H2BC4: variants seen among roughly 807,000 people sequenced by gnomAD.
The protein encoded by H2BC4 is histone H2B type 1-C/E/F/G/I.
In H2BC4, 10 loss-of-function variants were observed where a neutral mutation model predicts 6.2. The ratio of observed to expected loss-of-function variants is 1.61; its 90% CI spans 0.99 to 2.73. The LOEUF (loss-of-function observed/expected upper bound fraction) is 2.73. Ranked by LOEUF, H2BC4 falls within the 30% of genes most tolerant of loss-of-function variation. The pLI is 0.00. For synonymous variants in H2BC4, 146 were observed against 70.7 expected (o/e 2.07, Z -5.35); for missense variants, 176 against 168.7 (o/e 1.04, Z -0.24).
At chr6:26,113,397 T>C (rs1199564102), downstream of H2BC4, among the ~76,000 whole-genome samples, 1 of 152,234 alleles carries the variant, frequency 6.6e-6, no homozygotes, top group African/African-American at 2.4e-5. Context: ...ATCATATTTA[T>C]TCAAGATGAG....
At chr6:26,120,813 C>T (rs1581411363), downstream of H2BC4, among the ~76,000 whole-genome samples, 2 of 151,990 alleles carry the variant, frequency 1.3e-5, no homozygotes, top group African/African-American at 4.8e-5. Flanking sequence ...CATTATGTTT[C>T]TTCTGTCCTC....
downstream of H2BC4, among the ~76,000 whole-genome samples, chr6:26,122,512 A>T (rs73391395): frequency 0.016 from 2,390 of 152,252 alleles, 63 homozygotes; most frequent in African/African-American, 0.052. Context: ...CCAGGCCACA[A>T]AGCGGCCTGC....
intron 1 of H2BC4, among the ~76,000 whole-genome samples, chr6:26,117,149 T>A (rs1174214591): frequency 1.3e-5 from 2 of 152,172 alleles, no homozygotes; most frequent in Non-Finnish European, 2.9e-5. Context: ...TGGACCCCGG[T>A]AAACATACTA....
downstream of H2BC4, chr6:26,123,441 T>C (rs1763540648): frequency 6.4e-7 from 1 of 1,568,592 alleles, no homozygotes; most frequent in South Asian, 1.2e-5. Flanking sequence ...ATTTGGCGTC[T>C]GGCCACAGCT....
downstream of H2BC4, among the ~76,000 whole-genome samples, chr6:26,113,496 G>A (rs568590352): frequency 8.5e-4 from 130 of 152,318 alleles, no homozygotes; most frequent in African/African-American, 2.8e-3. Context: ...CTATCTACAT[G>A]TGGAGTGGAG....
intron 1 of H2BC4, among the ~76,000 whole-genome samples, chr6:26,117,278 T>C (rs916764061): frequency 5.3e-5 from 8 of 152,222 alleles, no homozygotes; most frequent in East Asian, 1.9e-4. Context: ...AGCGTAAAGA[T>C]GGTTATAAAT....
chr6:26,121,866 G>A (rs1374343176), downstream of H2BC4, among the ~76,000 whole-genome samples: 1 of 151,674 alleles, frequency 6.6e-6, no homozygotes. Flanking sequence ...CAGCCTGACC[G>A]ACATGGAGAA....
At chr6:26,123,166 C>A (rs1326726991), downstream of H2BC4, among the ~76,000 whole-genome samples, 1 of 152,180 alleles carries the variant, frequency 6.6e-6, no homozygotes, top group African/African-American at 2.4e-5. Flanking sequence ...GACATTACGG[C>A]AACCGTTGAT....
downstream of H2BC4, among the ~76,000 whole-genome samples, chr6:26,114,504 G>C (rs563534630): frequency 4.3e-4 from 65 of 152,144 alleles, no homozygotes; most frequent in Admixed American, 2.1e-3. Context: ...AAATTGGTAT[G>C]ATCCTGAATA....
Position 26,123,891 on chromosome 6 carries a change from G to T in H2BC4, c.14C>A (p.Ala5Asp). The stretch of plus-strand genomic sequence containing the variant: ...CTTCTTCGGGGCGGGAGCAGACTTG[G>T]CTGGCTCAGGCATCTTAAAACACCA... MPEP[A>D]KSAPAPKKGS... The change falls in exon 1 of 1, where the codon GCC becomes GAC. Residue 5 changes from alanine to aspartate, a missense_variant. By Grantham distance (126) the Ala-to-Asp change is moderately radical. Coordinates refer to ENST00000396984, the MANE Select transcript of H2BC4 (RefSeq NM_003526.3). 6.2e-7 allele frequency: 1 copy of T among 1,613,912 alleles called. No individual in the cohort carries two copies. Among genetic ancestry groups the T allele is most frequent in the Non-Finnish European group, 8.5e-7 (1 of 1,179,972 alleles).
Position 26,123,471 on chromosome 6 carries a change from T to G in H2BC4, c.*53A>C, listed in dbSNP as rs935635998. The G allele has an allele frequency of 6.4e-5, 103 of 1,609,038 alleles. No homozygotes were observed. The highest frequency in any genetic ancestry group is 8.3e-5 in the Non-Finnish European group (98 of 1,178,008). On this transcript the variant is annotated 3_prime_UTR_variant, in exon 1 of 1. Coordinates refer to ENST00000396984, the MANE Select transcript of H2BC4 (RefSeq NM_003526.3). Reference sequence around the variant, plus strand: ...ACAGCTCTTTTAGTGGGTATCTGGGTGGCTCTTAAAAGAGCCTTTGGGGTT... The same window carrying G: ...ACAGCTCTTTTAGTGGGTATCTGGGGGGCTCTTAAAAGAGCCTTTGGGGTT...
At chr6:26,117,935 A>G (rs960709593) in intron 1 of H2BC4, among the ~76,000 whole-genome samples, 1 of 150,614 alleles carries the variant, frequency 6.6e-6, no homozygotes. Context: ...ACAATTAGTG[A>G]TTCTCTAGAA....
chr6:26,115,561 GTT>G (rs1017194550), intron 1 of H2BC4, among the ~76,000 whole-genome samples: 6 of 152,172 alleles, frequency 3.9e-5, no homozygotes, highest in African/African-American at 1.4e-4. Flanking sequence ...AAGACTTAGT[GTT>G]TTTCATAAAG....
In H2BC4 at chr6:26,123,886, A is replaced by G; in HGVS notation, c.19T>C (p.Ser7Pro). Residue 7 changes from serine (S) to proline (P), a missense_variant, in exon 1 of 1, where the codon TCT (serine) becomes CCT (proline). Ser to Pro is a moderately conservative substitution (Grantham distance 74). Transcript: ENST00000396984. The part of the protein sequence containing the change: MPEPAK[S>P]APAPKKGSKK... Reference sequence around the variant, plus strand: ...GAGCCCTTCTTCGGGGCGGGAGCAGACTTGGCTGGCTCAGGCATCTTAAAA... The same window carrying G: ...GAGCCCTTCTTCGGGGCGGGAGCAGGCTTGGCTGGCTCAGGCATCTTAAAA... 1.2e-6 allele frequency: 2 copies of G among 1,614,080 alleles called. No individual in the cohort carries two copies.
At chr6:26,119,339 T>G (rs1410381267), downstream of H2BC4, among the ~76,000 whole-genome samples, 1 of 152,224 alleles carries the variant, frequency 6.6e-6, no homozygotes, top group African/African-American at 2.4e-5. Flanking sequence ...AAAATGTTAT[T>G]TGCATAAAAC....
chr6:26,123,851 T>A lies in H2BC4; in HGVS notation c.54A>T (p.Ala18=). 6.2e-7 allele frequency: 1 copy of A among 1,614,244 alleles called. No individual in the cohort carries two copies. Among genetic ancestry groups the A allele is most frequent in the Non-Finnish European group, 8.5e-7 (1 of 1,180,046 alleles). ...APAPKKGSKK[A]VTKAQKKDGK... is the part of the protein sequence containing the mutation. Reference sequence around the variant, plus strand: ...CATCTTTCTTCTGCGCTTTGGTCACTGCCTTCTTGGAGCCCTTCTTCGGGG... The same window carrying A: ...CATCTTTCTTCTGCGCTTTGGTCACAGCCTTCTTGGAGCCCTTCTTCGGGG... Residue 18 remains alanine, a synonymous_variant, in exon 1 of 1, where the codon GCA becomes GCT. Coordinates refer to ENST00000396984, the MANE Select transcript of H2BC4 (RefSeq NM_003526.3).
rs2113799995 is a variant in H2BC4, at chr6:26,123,708, A to G, written c.197T>C (p.Phe66Ser). ...GATGCGCTCAAATATGTCGTTAACG[A>G]AAGAATTCATGATGCCCATGGCCTT... ...SSKAMGIMNSFVNDIFERIAG... is the reference protein window; with the variant it reads ...SSKAMGIMNSSVNDIFERIAG... The change falls in exon 1 of 1, where the codon TTC (phenylalanine) becomes TCC (serine). Residue 66 changes from phenylalanine (F) to serine (S), a missense_variant. By Grantham distance (155) the Phe-to-Ser change is radical. Transcript: ENST00000396984. 2 of 1,614,268 alleles carry G rather than the reference A, an allele frequency of 1.2e-6. No homozygotes were observed. Among genetic ancestry groups the G allele is most frequent in the Non-Finnish European group, 1.7e-6 (2 of 1,180,048 alleles).
downstream of H2BC4, among the ~76,000 whole-genome samples, chr6:26,122,475 AAAATACTTAAGGGAATGTGGAAT>A (rs1293826012): frequency 1.3e-5 from 2 of 152,200 alleles, no homozygotes; most frequent in Non-Finnish European, 2.9e-5. Context: ...GACCATGAGT[AAAATACTTAAGGGAATGTGGAAT>A]TTCCCAGGCC....
At chr6:26,122,053 CAAAAAAAAA>C (rs67046086), downstream of H2BC4, among the ~76,000 whole-genome samples, 1 of 124,224 alleles carries the variant, frequency 8.0e-6, no homozygotes. Context: ...AACTTCGTCT[CAAAAAAAAA>C]AAAAAAAAAG....
Sources: gnomAD v4.1 joint callset for allele counts (sites outside exome capture counted in the v4.1 genomes callset) on GRCh38, gnomAD v4.1.1 for gene constraint, MANE v1.5 for transcripts, NCBI Gene and HGNC (gene_info 2026-07-23, HGNC 2026-07-21) for gene names.